TCF12: variants seen among roughly 807,000 people sequenced by gnomAD.
The protein encoded by TCF12 is transcription factor 12, also known as DNA-binding protein HTF4.
A neutral mutation model predicts 86.0 loss-of-function variants in TCF12; 45 were observed. That is an observed-to-expected ratio of 0.52 (90% confidence interval 0.41 to 0.67). TCF12 has a LOEUF of 0.67. Ranked by LOEUF, TCF12 falls within the 30% of genes least tolerant of loss-of-function variation. The pLI is 0.00. For synonymous variants in TCF12, 330 were observed against 299.6 expected (o/e 1.10, Z -1.05); for missense variants, 881 against 859.9 (o/e 1.02, Z -0.31).
At chr15:57,060,466 C>G (rs1338245175) in intron 3 of TCF12, among the ~76,000 whole-genome samples, 1 of 152,084 alleles carries the variant, frequency 6.6e-6, no homozygotes, top group African/African-American at 2.4e-5. Context: ...ATTGATCACC[C>G]CTTTTAATCC....
At chr15:57,038,526 A>G (rs2066665455) in intron 3 of TCF12, among the ~76,000 whole-genome samples, 1 of 152,208 alleles carries the variant, frequency 6.6e-6, no homozygotes, top group Admixed American at 6.5e-5. Flanking sequence ...GTGATATCAC[A>G]GATTGAGTCT....
chr15:57,166,653 A>G (rs1474253880), intron 6 of TCF12, among the ~76,000 whole-genome samples, 187 bp downstream of exon 6: 1 of 152,214 alleles, frequency 6.6e-6, no homozygotes, highest in East Asian at 1.9e-4. Context: ...GGCTGTCTTT[A>G]TCATCAAAGA....
chr15:57,226,246 G>C (rs757457035), intron 8 of TCF12, among the ~76,000 whole-genome samples: 3 of 149,024 alleles, frequency 2.0e-5, no homozygotes, highest in Non-Finnish European at 4.4e-5. Context: ...TACTTAGCTA[G>C]ATCTTGTAAA....
At chr15:57,207,702 G>A (rs759241500) in intron 8 of TCF12, among the ~76,000 whole-genome samples, 38 of 151,968 alleles carry the variant, frequency 2.5e-4, no homozygotes, top group Non-Finnish European at 5.2e-4. Context: ...AAAATAATAA[G>A]TAAGAACTAA....
intron 3 of TCF12, among the ~76,000 whole-genome samples, chr15:56,943,933 C>G (rs1287271055): frequency 6.6e-6 from 1 of 152,058 alleles, no homozygotes. Flanking sequence ...ACCTAGGAAT[C>G]GTAATTTTTA....
At chr15:57,221,383 G>GGTGTGTGTGTGTGT (rs144351636) in intron 8 of TCF12, among the ~76,000 whole-genome samples, 2 of 148,744 alleles carry the variant, frequency 1.3e-5, no homozygotes, top group Admixed American at 6.7e-5. Flanking sequence ...ATGTGTGTGG[G>GGTGTGTGTGTGTGT]GTGTGTGTGT....
intron 3 of TCF12, among the ~76,000 whole-genome samples, chr15:56,977,426 G>A (rs1431587977): frequency 6.6e-6 from 1 of 152,096 alleles, no homozygotes; most frequent in African/African-American, 2.4e-5. Flanking sequence ...CCAGCTACTC[G>A]GAAGGCTGAG....
rs141079330 is a variant in TCF12 at position 57,008,041 on chromosome 15, A to G, written c.149-55709A>G. On this transcript the variant is annotated intron_variant, in intron 3 of 20. Transcript: ENST00000333725. ...ATGATCATGATCATAGCTCACTGCA[A>G]TCTTGAACTCCTGGGCTCAAGCCAT... Among the ~76,000 whole-genome samples the G allele has an allele frequency of 7.8e-3, 1,177 of 150,612 alleles. 16 individuals carry two copies. Among genetic ancestry groups the G allele is most frequent in the African/African-American group, 0.027 (1,113 of 40,898 alleles).
intron 3 of TCF12, among the ~76,000 whole-genome samples, chr15:56,952,474 T>G (rs749934257): frequency 1.3e-5 from 2 of 152,132 alleles, no homozygotes; most frequent in Non-Finnish European, 2.9e-5. Flanking sequence ...ATAGATCAAT[T>G]TGGGGAGAAT....
chr15:57,283,627 A>G (rs1388378649), intron 20 of TCF12, among the ~76,000 whole-genome samples: 1 of 152,188 alleles, frequency 6.6e-6, no homozygotes, highest in East Asian at 1.9e-4. Context: ...TTTTATCAAC[A>G]GATTAAAGGT....
At chr15:57,084,034 G>T (rs969680674) in intron 4 of TCF12, among the ~76,000 whole-genome samples, 2 of 152,064 alleles carry the variant, frequency 1.3e-5, no homozygotes, top group African/African-American at 4.8e-5. Context: ...ACATGGTTTT[G>T]CTCATTGGCT....
chr15:56,993,566 T>C (rs1416910972), intron 3 of TCF12, among the ~76,000 whole-genome samples: 2 of 152,136 alleles, frequency 1.3e-5, no homozygotes, highest in Non-Finnish European at 2.9e-5. Flanking sequence ...GGAAAAGCAA[T>C]ACCATAAAGT....
At chr15:57,101,712 G>A (rs1306701746) in intron 5 of TCF12, among the ~76,000 whole-genome samples, 1 of 152,050 alleles carries the variant, frequency 6.6e-6, no homozygotes, top group Non-Finnish European at 1.5e-5. Context: ...ATATGTTTTG[G>A]TGGTTCCACA....
intron 3 of TCF12, among the ~76,000 whole-genome samples, chr15:57,002,314 A>C (rs183874372): frequency 6.5e-4 from 99 of 152,348 alleles, no homozygotes; most frequent in Non-Finnish European, 9.7e-4. Flanking sequence ...TTGAGAACAC[A>C]AAGGAATAAC....
At chr15:57,163,007 C>T (rs867610109) in intron 5 of TCF12, among the ~76,000 whole-genome samples, 1 of 151,942 alleles carries the variant, frequency 6.6e-6, no homozygotes, top group African/African-American at 2.4e-5. Context: ...AACCCTATCT[C>T]GACTGAAAAC....
rs2152098818 is a variant in TCF12 at position 57,273,232 on chromosome 15, G to A, written c.1948G>A (p.Val650Ile). Residue 650 changes from valine to isoleucine, a missense_variant, in exon 19 of 21, where the codon GTC (valine) becomes ATC (isoleucine). Val to Ile is a conservative substitution (Grantham distance 29). Around this residue, in one of 3 missense-constraint regions of TCF12, gnomAD observed 46 missense variants for 76.7 expected, o/e 0.60. Coordinates refer to ENST00000333725, the MANE Select transcript of TCF12 (RefSeq NM_207037.2). ...KLLILHQAVAVILSLEQQVRE... is the reference protein window; with the variant it reads ...KLLILHQAVAIILSLEQQVRE... ...CCTTATTCTTCATCAAGCCGTGGCA[G>A]TCATCCTTAGTCTAGAACAGCAAGT... 1 of 1,614,152 alleles carries A rather than the reference G, an allele frequency of 6.2e-7. No homozygotes were observed. The highest frequency in any genetic ancestry group is 8.5e-7 in the Non-Finnish European group (1 of 1,180,018).
chr15:56,955,956 C>T (rs1271458787), intron 3 of TCF12, among the ~76,000 whole-genome samples: 2 of 152,172 alleles, frequency 1.3e-5, no homozygotes, highest in Non-Finnish European at 1.5e-5. Context: ...ATGTACTCTT[C>T]ATCAGGTGAC....
Position 57,192,175 on chromosome 15 carries a change from A to G in TCF12, c.408A>G (p.Gln136=). 2.5e-6 allele frequency: 4 copies of G among 1,614,040 alleles called. No individual in the cohort carries two copies. The highest frequency in any genetic ancestry group is 1.1e-5 in the South Asian group (1 of 91,078). Residue 136 remains glutamine (Q), a synonymous_variant, in exon 7 of 21, where the codon CAA becomes CAG. Coordinates refer to ENST00000333725, the MANE Select transcript of TCF12 (RefSeq NM_207037.2). ...TTTTATAGTCTAGTCTCCTGAGACA[A>G]GATCTGGGGCTTGGGAGCCCAGCAC... ...LPGCQSSLLR[Q]DLGLGSPAQL...
At chr15:57,067,120 C>G (rs1017531018) in intron 4 of TCF12, among the ~76,000 whole-genome samples, 12 of 152,164 alleles carry the variant, frequency 7.9e-5, no homozygotes, top group African/African-American at 2.7e-4. Flanking sequence ...TTGCTTTTAC[C>G]AAATCCACCA....
Sources: gnomAD v4.1 joint callset for allele counts (sites outside exome capture counted in the v4.1 genomes callset) on GRCh38, gnomAD v4.1.1 for gene constraint, gnomAD v4.1.1 regional missense constraint, MANE v1.5 for transcripts, NCBI Gene and HGNC (gene_info 2026-07-23, HGNC 2026-07-21) for gene names.